Variants in GRID2 observed in about 807,000 individuals in gnomAD.
The protein encoded by GRID2 is glutamate ionotropic receptor delta type subunit 2, also known as glutamate receptor ionotropic, delta-2.
In GRID2, 33 loss-of-function variants were observed where a neutral mutation model predicts 114.8. That is an observed-to-expected ratio of 0.29 (90% CI 0.22 to 0.38). The LOEUF (loss-of-function observed/expected upper bound fraction) is 0.38, where lower values mean the gene tolerates loss of function less well. GRID2 is among the 10% of genes least tolerant of loss of function. The pLI is 1.00. For synonymous variants in GRID2, 505 were observed against 449.9 expected, an observed-to-expected ratio of 1.12 and a Z score of -1.55; for missense variants, 1,184 against 1,257.7, an observed-to-expected ratio of 0.94 and a Z score of 0.89.
rs534641897 is a variant in GRID2 at position 92,781,767 on chromosome 4, C to T, written c.244+191481C>T. Among the ~76,000 whole-genome samples, 28 of 151,924 alleles carry T rather than the reference C, an allele frequency of 1.8e-4. No individual in the cohort carries two copies. In the East Asian group the frequency reaches 3.1e-3, roughly 17 times the overall value. On this transcript the variant is annotated intron_variant, in intron 2 of 15. Transcript: ENST00000282020. The stretch of plus-strand genomic sequence containing the variant: ...ATAGTGCTGTTTACCTATATTTTTA[C>T]GCGTTACAATTTCACATATGCTACA...
intron 2 of GRID2, among the ~76,000 whole-genome samples, chr4:92,935,548 G>T (rs1243332726): frequency 3.4e-5 from 5 of 146,248 alleles, no homozygotes; most frequent in African/African-American, 4.9e-5. Flanking sequence ...TATACCCAAA[G>T]GACTATAAAT....
chr4:92,385,019 C>A (rs1162257861), intron 1 of GRID2, among the ~76,000 whole-genome samples: 1 of 151,298 alleles, frequency 6.6e-6, no homozygotes, highest in African/African-American at 2.4e-5. Context: ...TCAGGTGATT[C>A]ACATATAATT....
intron 13 of GRID2, among the ~76,000 whole-genome samples, chr4:93,597,106 A>G (rs562028261): frequency 6.6e-6 from 1 of 152,208 alleles, no homozygotes; most frequent in Admixed American, 6.5e-5. Flanking sequence ...AAGTGAAAAT[A>G]TGTTTCAAAA....
At chr4:93,695,354 A>G (rs1474088838) in intron 14 of GRID2, among the ~76,000 whole-genome samples, 2 of 152,190 alleles carry the variant, frequency 1.3e-5, no homozygotes, top group Non-Finnish European at 2.9e-5. Flanking sequence ...ATCGAAATGC[A>G]TTAAATCAAA....
At chr4:93,563,552 T>C (rs1409931605) in intron 13 of GRID2, among the ~76,000 whole-genome samples, 1 of 152,024 alleles carries the variant, frequency 6.6e-6, no homozygotes, top group Non-Finnish European at 1.5e-5. Context: ...ATATGTATCA[T>C]GTAACTTTAT....
chr4:92,881,147 C>T (rs945487447), intron 2 of GRID2, among the ~76,000 whole-genome samples: 2 of 152,118 alleles, frequency 1.3e-5, no homozygotes, highest in Admixed American at 1.3e-4. Flanking sequence ...AGGTGATCCG[C>T]CCACATCGGC....
chr4:93,401,189 G>A (rs918963146), intron 9 of GRID2, among the ~76,000 whole-genome samples: 1 of 150,340 alleles, frequency 6.7e-6, no homozygotes, highest in African/African-American at 2.5e-5. Flanking sequence ...CAGTGCAGTT[G>A]TTCTCCATTA....
intron 1 of GRID2, among the ~76,000 whole-genome samples, chr4:92,553,090 G>T (rs1178212646): frequency 6.6e-6 from 1 of 152,090 alleles, no homozygotes; most frequent in African/African-American, 2.4e-5. Flanking sequence ...TTTGGTGGGT[G>T]GGGAGCAAGG....
intron 8 of GRID2, among the ~76,000 whole-genome samples, chr4:93,239,138 A>G (rs551068202): frequency 7.0e-6 from 1 of 142,340 alleles, no homozygotes; most frequent in South Asian, 2.1e-4. Context: ...ATATATATCA[A>G]ATATATATAT....
At chr4:92,728,327 A>G (rs1736160180) in intron 2 of GRID2, among the ~76,000 whole-genome samples, 1 of 152,142 alleles carries the variant, frequency 6.6e-6, no homozygotes, top group Non-Finnish European at 1.5e-5. Context: ...TCAGAAACCC[A>G]GAAACAACTT....
At chr4:93,116,339 A>G (rs867444866) in intron 4 of GRID2, among the ~76,000 whole-genome samples, 5 of 152,170 alleles carry the variant, frequency 3.3e-5, no homozygotes, top group Admixed American at 1.3e-4. Context: ...TAAATTATTC[A>G]TGCTTGACTA....
intron 4 of GRID2, among the ~76,000 whole-genome samples, chr4:93,199,620 A>G (rs1741865613): frequency 6.6e-6 from 1 of 152,118 alleles, no homozygotes; most frequent in African/African-American, 2.4e-5. Flanking sequence ...GAGATTCTAA[A>G]GCAAAAAAGC....
In GRID2 at chr4:92,306,872, G is replaced by A. The variant is rs576273320; in HGVS notation, c.88+2128G>A. On this transcript the variant is annotated intron_variant, in intron 1 of 15. Coordinates refer to ENST00000282020, the MANE Select transcript of GRID2 (RefSeq NM_001510.4). ...TGTGTATATCCTACTAACAGATATA[G>A]TTACTTCTGAGACAATTAATTTGAC... Among the ~76,000 whole-genome samples, 12 of 152,266 alleles carry A rather than the reference G, an allele frequency of 7.9e-5. No homozygotes were observed. The South Asian group carries it at 2.5e-3, about 32-fold the overall frequency.
In GRID2 at chr4:93,085,179, T is replaced by G; in HGVS notation, c.429T>G (p.Thr143=). The change falls in exon 3 of 16, where the codon ACT becomes ACG. Residue 143 remains threonine (T), a synonymous_variant. Transcript: ENST00000282020. Reference sequence around the variant, plus strand: ...GGAGCAACAGGAATGATGACTACACTCTCTCAGTTCGCCCACCTGTCTACT... The same window carrying G: ...GGAGCAACAGGAATGATGACTACACGCTCTCAGTTCGCCCACCTGTCTACT... ...LTRSNRNDDY[T]LSVRPPVYLH... is the part of the protein sequence containing the mutation. 1 of 1,613,806 alleles carries G rather than the reference T, an allele frequency of 6.2e-7. No individual in the cohort carries two copies. The highest frequency in any genetic ancestry group is 8.5e-7 in the Non-Finnish European group (1 of 1,179,838).
intron 2 of GRID2, among the ~76,000 whole-genome samples, chr4:92,658,662 A>C (rs779262030): frequency 4.6e-5 from 7 of 151,632 alleles, no homozygotes; most frequent in Non-Finnish European, 1.0e-4. Context: ...AAGCAAAAGG[A>C]ACTGAAGCAA....
At chr4:92,319,104 C>T (rs1328737888) in intron 1 of GRID2, among the ~76,000 whole-genome samples, 1 of 152,104 alleles carries the variant, frequency 6.6e-6, no homozygotes, top group Non-Finnish European at 1.5e-5. Context: ...TTATTACCTT[C>T]TATCTCACTC....
rs554663844 is a variant in GRID2, at chr4:93,423,336, C to CTT, written c.1545+396_1545+397dup. Among the ~76,000 whole-genome samples, 296 of 73,558 alleles carry CTT rather than the reference C, an allele frequency of 4.0e-3. 10 individuals are homozygous for CTT. Among genetic ancestry groups the CTT allele is most frequent in the African/African-American group, 0.01 (181 of 17,566 alleles). 48.3% of individuals were successfully genotyped at this position (73,558 alleles called of 152,430 possible). A position where few individuals can be genotyped will look rare whatever the true frequency, so the allele number is the denominator to read the frequency against. ...GCAATTTGTACTATTTTTTTTCTTT[C>CTT]TTTTTTTTTTTTTTTTTTTTTTTTT... is the stretch of plus-strand genomic sequence containing the variant. On this transcript the variant is annotated intron_variant, in intron 10 of 15. Transcript: ENST00000282020.
chr4:92,375,364 G>C lies in GRID2; in HGVS notation c.88+70620G>C, dbSNP rs181665564. 2.4e-3 allele frequency among the ~76,000 whole-genome samples: 367 copies of C among 152,158 alleles called. 1 individual carries two copies. Among genetic ancestry groups the C allele is most frequent in the African/African-American group, 8.5e-3 (353 of 41,542 alleles). ...TCTTTTTAGCCCTTGTAATTTGTTT[G>C]TTGCTATTATTCATTGCATCTTGTG... On this transcript the variant is annotated intron_variant, in intron 1 of 15. Transcript: ENST00000282020.
chr4:93,409,566 A>T (rs1247427910), intron 9 of GRID2, among the ~76,000 whole-genome samples: 1 of 152,170 alleles, frequency 6.6e-6, no homozygotes, highest in Non-Finnish European at 1.5e-5. Context: ...TTTTTTAGGT[A>T]TAGTAGAAAG....
Sources: allele counts gnomAD v4.1 joint callset (sites outside exome capture counted in the v4.1 genomes callset), GRCh38; gene constraint gnomAD v4.1.1; transcripts MANE v1.5; gene names NCBI Gene and HGNC (gene_info 2026-07-23, HGNC 2026-07-21).